The following MACROD2 variants were observed in gnomAD, a reference collection of about 807,000 sequenced individuals.
MACROD2 encodes the protein mono-ADP ribosylhydrolase 2.
MACROD2 carries 36 observed loss-of-function variants against 70.4 expected under a neutral mutation model. The observed-to-expected ratio is 0.51, with a 90% CI of 0.39 to 0.68. The LOEUF (loss-of-function observed/expected upper bound fraction) is 0.68. MACROD2 is among the 30% of genes least tolerant of loss of function. The probability of loss-of-function intolerance (pLI) is 0.00; values close to 1 mark genes in which losing one functional copy is unlikely to be tolerated. For missense variants in MACROD2, 496 were observed against 538.4 expected (o/e 0.92, Z 0.78); for synonymous variants, 172 against 178.8 (o/e 0.96, Z 0.30).
At chr20:15,538,489 C>G (rs2047907161) in intron 8 of MACROD2, among the ~76,000 whole-genome samples, 2 of 152,100 alleles carry the variant, frequency 1.3e-5, no homozygotes, top group African/African-American at 4.8e-5. Context: ...GTGGAGAGCT[C>G]AAGTTGAACA....
chr20:15,522,861 C>T (rs371877404), intron 8 of MACROD2, among the ~76,000 whole-genome samples: 8 of 152,142 alleles, frequency 5.3e-5, no homozygotes, highest in Admixed American at 1.3e-4. Context: ...ATCTAGGAGA[C>T]GGAGAGTTTT....
At chr20:15,403,071 A>AT (rs1349394246) in intron 6 of MACROD2, among the ~76,000 whole-genome samples, 1 of 151,844 alleles carries the variant, frequency 6.6e-6, no homozygotes, top group Admixed American at 6.6e-5. Flanking sequence ...GGTTCAAGCG[A>AT]TTCTCCTGCC....
At chr20:15,815,759 T>C (rs1406162083) in intron 8 of MACROD2, among the ~76,000 whole-genome samples, 1 of 152,210 alleles carries the variant, frequency 6.6e-6, no homozygotes, top group Non-Finnish European at 1.5e-5. Context: ...TTTAGACTTC[T>C]AGTCAAATTA....
At chr20:15,620,242 T>A (rs2049106282) in intron 8 of MACROD2, among the ~76,000 whole-genome samples, 1 of 152,102 alleles carries the variant, frequency 6.6e-6, no homozygotes, top group Admixed American at 6.5e-5. Flanking sequence ...AAGGAACGAA[T>A]GAGTGTGGGG....
At chr20:15,882,528 T>G (rs568678937) in intron 9 of MACROD2, among the ~76,000 whole-genome samples, 12 of 152,158 alleles carry the variant, frequency 7.9e-5, no homozygotes, top group East Asian at 3.9e-4. Flanking sequence ...GTTCCTTTTT[T>G]GGGGCTACTG....
chr20:14,673,932 A>C (rs889294841), intron 4 of MACROD2, among the ~76,000 whole-genome samples: 10 of 151,782 alleles, frequency 6.6e-5, no homozygotes, highest in South Asian at 2.1e-4. Flanking sequence ...AAAAAAAAAA[A>C]AAAAAAAGGA....
At chr20:14,981,294 C>T (rs2074796670) in intron 5 of MACROD2, among the ~76,000 whole-genome samples, 1 of 151,982 alleles carries the variant, frequency 6.6e-6, no homozygotes, top group African/African-American at 2.4e-5. Context: ...AAATGCCATC[C>T]CCACTGCCTG....
intron 6 of MACROD2, among the ~76,000 whole-genome samples, chr20:15,391,075 G>C (rs774039034): frequency 3.9e-5 from 6 of 152,152 alleles, no homozygotes; most frequent in Non-Finnish European, 5.9e-5. Context: ...TAAGATGACA[G>C]CTAGAGGTAA....
At chr20:14,075,730 C>T (rs753715586) in intron 2 of MACROD2, among the ~76,000 whole-genome samples, 24 of 152,186 alleles carry the variant, frequency 1.6e-4, no homozygotes, top group Non-Finnish European at 3.1e-4. Context: ...AGCTTCTCAG[C>T]TCCCTATAGG....
intron 5 of MACROD2, among the ~76,000 whole-genome samples, chr20:14,986,902 G>A (rs562323285): frequency 2.0e-5 from 3 of 152,224 alleles, no homozygotes; most frequent in East Asian, 1.9e-4. Context: ...GATTTGGCAC[G>A]GAGTTCATTT....
At chr20:14,454,744 A>C (rs1046404197) in intron 3 of MACROD2, among the ~76,000 whole-genome samples, 9 of 142,286 alleles carry the variant, frequency 6.3e-5, no homozygotes, top group Admixed American at 1.5e-4. Flanking sequence ...TTCTGTCTCT[A>C]CACTCTTTTT....
rs150089692 is a variant in MACROD2 at position 15,537,848 on chromosome 20, C to T, written c.645+38001C>T. ...TGCCTCTGGCTCCCATGCTAGATCA[C>T]GACCCCAGTCATATGCTTTCAAGGC... On this transcript the variant is annotated intron_variant, in intron 8 of 17. Coordinates refer to ENST00000684519, the MANE Select transcript of MACROD2 (RefSeq NM_001351661.2). Among the ~76,000 whole-genome samples the T allele has an allele frequency of 5.2e-3, 796 of 152,256 alleles. 12 individuals carry two copies. Among genetic ancestry groups the T allele is most frequent in the African/African-American group, 0.016 (661 of 41,548 alleles).
intron 8 of MACROD2, among the ~76,000 whole-genome samples, chr20:15,623,617 C>T (rs998508351): frequency 1.3e-5 from 2 of 152,142 alleles, no homozygotes; most frequent in African/African-American, 4.8e-5. Context: ...CATTCCCAAG[C>T]TTCTTGTCCA....
chr20:14,264,050 G>T (rs1182242916), intron 3 of MACROD2, among the ~76,000 whole-genome samples: 1 of 151,346 alleles, frequency 6.6e-6, no homozygotes, highest in Non-Finnish European at 1.5e-5. Context: ...GAAAAAGATG[G>T]TAGGAGTATG....
chr20:14,039,556 G>T (rs1330754173), intron 2 of MACROD2, among the ~76,000 whole-genome samples: 1 of 152,002 alleles, frequency 6.6e-6, no homozygotes, highest in East Asian at 1.9e-4. Flanking sequence ...TAAATAGCTT[G>T]CTTCTTCAGT....
At chr20:15,886,972 C>T (rs551363173) in intron 10 of MACROD2, among the ~76,000 whole-genome samples, 1 of 152,176 alleles carries the variant, frequency 6.6e-6, no homozygotes, top group South Asian at 2.1e-4. Flanking sequence ...TTAAAAGCTC[C>T]TTCTTCCTCA....
intron 3 of MACROD2, among the ~76,000 whole-genome samples, chr20:14,171,839 T>G (rs1009739087): frequency 6.6e-6 from 1 of 152,210 alleles, no homozygotes; most frequent in Non-Finnish European, 1.5e-5. Context: ...TCAGTAAATA[T>G]CTGTTAAGTC....
intron 3 of MACROD2, among the ~76,000 whole-genome samples, chr20:14,119,615 A>G (rs1295125525): frequency 1.3e-5 from 2 of 152,328 alleles, no homozygotes; most frequent in South Asian, 2.1e-4. Context: ...TCAACTTACA[A>G]ATATTAAGGA....
At chr20:15,097,246 A>G (rs1317954667) in intron 5 of MACROD2, among the ~76,000 whole-genome samples, 2 of 152,192 alleles carry the variant, frequency 1.3e-5, no homozygotes, top group African/African-American at 4.8e-5. Flanking sequence ...TGGCCTTGGC[A>G]TTGCCCAAAG....
Sources: gnomAD v4.1 joint callset for allele counts (sites outside exome capture counted in the v4.1 genomes callset) on GRCh38, gnomAD v4.1.1 for gene constraint, MANE v1.5 for transcripts, NCBI Gene and HGNC (gene_info 2026-07-23, HGNC 2026-07-21) for gene names.